The following WDR25 variants were observed in gnomAD, a reference collection of about 807,000 sequenced individuals.
WDR25 encodes WD repeat domain 25.
A neutral mutation model predicts 47.7 loss-of-function variants in WDR25; 35 were observed. That is an observed-to-expected ratio of 0.73 (90% CI 0.56 to 0.97). The LOEUF is 0.97. Among genes scored for constraint, WDR25 ranks in the 50% least tolerant of loss-of-function variants. WDR25 has a pLI of 0.00. For missense variants in WDR25, 634 were observed against 704.7 expected (o/e 0.90, Z 1.14); for synonymous variants, 248 against 278.9 (o/e 0.89, Z 1.10).
intron 4 of WDR25, among the ~76,000 whole-genome samples, chr14:100,511,556 C>A (rs7156428): frequency 1 from 152,025 of 152,082 alleles, 75,984 homozygotes; most frequent in Middle Eastern, 1. Flanking sequence ...TTCTCTCTTC[C>A]TCCCTCCCTC....
At chr14:100,527,495 C>T (rs1345418335) in intron 5 of WDR25, among the ~76,000 whole-genome samples, 2 of 152,266 alleles carry the variant, frequency 1.3e-5, no homozygotes, top group Non-Finnish European at 2.9e-5. Context: ...TTCTTTTCCT[C>T]CCTGCCTTTT....
chr14:100,486,565 A>C (rs930527291), intron 4 of WDR25, among the ~76,000 whole-genome samples: 1 of 152,170 alleles, frequency 6.6e-6, no homozygotes, highest in African/African-American at 2.4e-5. Flanking sequence ...GGTGTTGCCC[A>C]TGTGTCTCAA....
intron 2 of WDR25, among the ~76,000 whole-genome samples, chr14:100,395,445 G>T (rs532005671): frequency 1.3e-5 from 2 of 152,170 alleles, no homozygotes; most frequent in Non-Finnish European, 2.9e-5. Context: ...ATCAGCATCC[G>T]TATGCCCCCT....
intron 4 of WDR25, among the ~76,000 whole-genome samples, chr14:100,514,486 T>G (rs1901427419): frequency 6.6e-6 from 1 of 152,162 alleles, no homozygotes; most frequent in Non-Finnish European, 1.5e-5. Flanking sequence ...TAATTTAGTA[T>G]TTTTATGATT....
intron 2 of WDR25, among the ~76,000 whole-genome samples, chr14:100,403,215 G>A (rs930696344): frequency 2.6e-5 from 4 of 152,144 alleles, no homozygotes; most frequent in African/African-American, 7.2e-5. Context: ...AAAATGAGTC[G>A]TGCTCCCATG....
intron 2 of WDR25, among the ~76,000 whole-genome samples, chr14:100,464,843 T>C (rs1899567112): frequency 7.0e-6 from 1 of 142,962 alleles, no homozygotes; most frequent in Admixed American, 7.1e-5. Flanking sequence ...CCATCTACTC[T>C]TTCCTACCCC....
At chr14:100,409,799 GT>G (rs1897653668) in intron 2 of WDR25, among the ~76,000 whole-genome samples, 1 of 152,204 alleles carries the variant, frequency 6.6e-6, no homozygotes, top group African/African-American at 2.4e-5. Context: ...AGGGATATGG[GT>G]TAATGTTGAG....
rs778827269 is a variant in WDR25 at position 100,380,965 on chromosome 14, C to T, written c.41C>T (p.Ala14Val). The change falls in exon 2 of 7, where the codon GCG (alanine) becomes GTG (valine). Residue 14 changes from alanine to valine, a missense_variant. Ala to Val is a moderately conservative substitution (Grantham distance 64). Transcript: ENST00000402312. ...RTLSLMASLV[A>V]YDDSDSEAET... ...CTGTCTTTAATGGCTTCATTGGTAG[C>T]GTATGATGATTCGGACTCGGAGGCT... 40 of 1,614,026 alleles carry T rather than the reference C, an allele frequency of 2.5e-5. No homozygotes were observed. The highest frequency in any genetic ancestry group is 3.3e-5 in the Non-Finnish European group (39 of 1,180,030).
At position 100,529,164 on chromosome 14, in the gene WDR25, T is replaced by C. The variant is rs369211851; in HGVS notation, c.1369T>C (p.Trp457Arg). 6.2e-7 allele frequency: 1 copy of C among 1,612,022 alleles called. No individual in the cohort carries two copies. Among genetic ancestry groups the C allele is most frequent in the African/African-American group, 1.3e-5 (1 of 74,912 alleles). ...GNYLALFSTV[W>R]PYRMSRRRRY... Reference sequence around the variant, plus strand: ...CTACCTGGCCCTTTTCTCCACTGTGTGGCCCTACCGGATGAGCAGACGGCG... The same window carrying C: ...CTACCTGGCCCTTTTCTCCACTGTGCGGCCCTACCGGATGAGCAGACGGCG... The change falls in exon 6 of 7, where the codon TGG becomes CGG. Residue 457 changes from tryptophan to arginine, a missense_variant. Coordinates refer to ENST00000402312, the MANE Select transcript of WDR25 (RefSeq NM_001161476.3). The surrounding 1 kb of genome is among the most constrained non-coding windows in gnomAD (Gnocchi z 5.1).
At chr14:100,413,415 C>CTT (rs563468543) in intron 2 of WDR25, among the ~76,000 whole-genome samples, 4 of 140,340 alleles carry the variant, frequency 2.9e-5, no homozygotes. Context: ...TTTGCCATTA[C>CTT]TTTTTTTTTT....
Position 100,495,720 on chromosome 14 carries a change from C to A in WDR25, c.1101+11596C>A, listed in dbSNP as rs112326791. 2.0e-3 allele frequency among the ~76,000 whole-genome samples: 306 copies of A among 152,272 alleles called. 2 individuals carry two copies. The highest frequency in any genetic ancestry group is 7.3e-3 in the African/African-American group (302 of 41,556). On this transcript the variant is annotated intron_variant, in intron 4 of 6. Coordinates refer to ENST00000402312, the MANE Select transcript of WDR25 (RefSeq NM_001161476.3). ...CTTTTGTGGATCTGAGAAGAGTTTT[C>A]CAGTTTGTTCAGCTTTTTACTTGCT...
intron 2 of WDR25, among the ~76,000 whole-genome samples, chr14:100,402,335 TC>T (rs1311031696): frequency 2.0e-5 from 3 of 149,020 alleles, no homozygotes; most frequent in African/African-American, 7.4e-5. Context: ...TAAGACACAC[TC>T]CCCCACTTTT....
chr14:100,400,989 T>C (rs1897364993), intron 2 of WDR25, among the ~76,000 whole-genome samples: 1 of 152,200 alleles, frequency 6.6e-6, no homozygotes, highest in Admixed American at 6.5e-5. Flanking sequence ...AATAAAAGAA[T>C]GTTCACGTTA....
intron 2 of WDR25, among the ~76,000 whole-genome samples, chr14:100,453,472 A>G (rs1307843022): frequency 6.6e-6 from 1 of 152,208 alleles, no homozygotes; most frequent in East Asian, 1.9e-4. Context: ...AACTAACTCA[A>G]TTGTAAAGTG....
At chr14:100,419,941 ATGATG>A (rs1897978777) in intron 2 of WDR25, among the ~76,000 whole-genome samples, 1 of 152,254 alleles carries the variant, frequency 6.6e-6, no homozygotes, top group Non-Finnish European at 1.5e-5. Context: ...GCAGGGGCAC[ATGATG>A]TGGAATTTCC....
At chr14:100,515,820 T>G (rs1901475643) in intron 4 of WDR25, among the ~76,000 whole-genome samples, 2 of 143,906 alleles carry the variant, frequency 1.4e-5, no homozygotes, top group South Asian at 2.2e-4. Flanking sequence ...GTATTTTTAG[T>G]AGAAATGGGG....
intron 4 of WDR25, among the ~76,000 whole-genome samples, chr14:100,490,207 G>A (rs1426651205): frequency 6.6e-6 from 1 of 152,148 alleles, no homozygotes; most frequent in African/African-American, 2.4e-5. Flanking sequence ...CTGGTAGCAT[G>A]TGGACTCCCT....
intron 4 of WDR25, among the ~76,000 whole-genome samples, chr14:100,521,691 T>C (rs1051605214): frequency 6.6e-6 from 1 of 152,234 alleles, no homozygotes; most frequent in Non-Finnish European, 1.5e-5. Context: ...CTGTTTTTTA[T>C]TTTTACAAAT....
intron 2 of WDR25, among the ~76,000 whole-genome samples, chr14:100,386,961 A>G (rs1897034388): frequency 6.6e-6 from 1 of 152,028 alleles, no homozygotes; most frequent in Non-Finnish European, 1.5e-5. Flanking sequence ...GTGTGTGGTG[A>G]GAGTGGGACC....
Sources: allele counts gnomAD v4.1 joint callset (sites outside exome capture counted in the v4.1 genomes callset), GRCh38; gene constraint gnomAD v4.1.1; non-coding constraint Gnocchi (gnomAD v3.1); transcripts MANE v1.5; gene names NCBI Gene and HGNC (gene_info 2026-07-23, HGNC 2026-07-21).